The following UBE2E2 variants were observed in gnomAD, a reference collection of about 807,000 sequenced individuals.
UBE2E2 encodes the protein ubiquitin conjugating enzyme E2 E2.
In UBE2E2, 6 loss-of-function variants were observed where a neutral mutation model predicts 24.7. That is an observed-to-expected ratio of 0.24 (90% CI 0.13 to 0.48). UBE2E2 has a LOEUF of 0.48. Among genes scored for constraint, UBE2E2 ranks in the 20% least tolerant of loss-of-function variants. UBE2E2 has a pLI of 0.99. For synonymous variants in UBE2E2, 104 were observed against 83.6 expected, an observed-to-expected ratio of 1.24 and a Z score of -1.33; for missense variants, 169 against 245.0, an observed-to-expected ratio of 0.69 and a Z score of 2.07.
At chr3:23,413,351 AC>A (rs1042511321) in intron 3 of UBE2E2, among the ~76,000 whole-genome samples, 16 of 152,232 alleles carry the variant, frequency 1.1e-4, no homozygotes, top group African/African-American at 3.6e-4. Flanking sequence ...ATATACTTTG[AC>A]CTTTTTTTCC....
intron 3 of UBE2E2, among the ~76,000 whole-genome samples, chr3:23,421,119 G>A (rs1024024434): frequency 2.0e-5 from 3 of 152,244 alleles, no homozygotes; most frequent in African/African-American, 7.2e-5. Flanking sequence ...TAGGCATCTT[G>A]TAAGGATTGT....
In UBE2E2 at chr3:23,466,857, G is replaced by A. The variant is rs375897751; in HGVS notation, c.228-32751G>A. 6.6e-5 allele frequency among the ~76,000 whole-genome samples: 10 copies of A among 151,782 alleles called. 1 individual carries two copies. Among genetic ancestry groups the A allele is most frequent in the East Asian group, 1.9e-4 (1 of 5,136 alleles). ...GCTGGGATTACAGGCATGAGCCACC[G>A]CACTCGGCAGTCCCAGAGTCTTATT... On this transcript the variant is annotated intron_variant, in intron 3 of 5. Transcript: ENST00000396703.
At chr3:23,249,106 C>T (rs1697501514) in intron 3 of UBE2E2, among the ~76,000 whole-genome samples, 1 of 151,520 alleles carries the variant, frequency 6.6e-6, no homozygotes, top group African/African-American at 2.4e-5. Context: ...CCTTGTCTCT[C>T]CAAAAAATAC....
intron 3 of UBE2E2, among the ~76,000 whole-genome samples, chr3:23,464,946 A>G (rs1386865072): frequency 2.6e-5 from 4 of 152,214 alleles, no homozygotes; most frequent in East Asian, 3.8e-4. Flanking sequence ...GCAGCTACAC[A>G]TGTGTATCTT....
intron 5 of UBE2E2, among the ~76,000 whole-genome samples, chr3:23,539,008 G>A (rs1695328668): frequency 6.6e-6 from 1 of 152,084 alleles, no homozygotes; most frequent in Non-Finnish European, 1.5e-5. Flanking sequence ...GAATGAGAAA[G>A]GAAAGCCAAA....
chr3:23,331,317 T>C (rs951791220), intron 3 of UBE2E2, among the ~76,000 whole-genome samples: 1 of 152,222 alleles, frequency 6.6e-6, no homozygotes, highest in Non-Finnish European at 1.5e-5. Context: ...GTGCATTGTT[T>C]AGGTGCCAGA....
At chr3:23,230,928 C>A (rs75783252) in intron 3 of UBE2E2, among the ~76,000 whole-genome samples, 17,360 of 151,968 alleles carry the variant, frequency 0.11, 1,071 homozygotes, top group South Asian at 0.23. Flanking sequence ...GTAGAACTAG[C>A]GCTGCTCTGT....
chr3:23,263,952 G>A lies in UBE2E2; in HGVS notation c.227+46640G>A, dbSNP rs561348162. 7.0e-4 allele frequency among the ~76,000 whole-genome samples: 107 copies of A among 152,136 alleles called. 1 individual carries two copies. Among genetic ancestry groups the A allele is most frequent in the African/African-American group, 2.5e-3 (105 of 41,532 alleles). On this transcript the variant is annotated intron_variant, in intron 3 of 5. Coordinates refer to ENST00000396703, the MANE Select transcript of UBE2E2 (RefSeq NM_152653.4). ...TAGACAACTCAGACTAAGTTTTTTT[G>A]TACTTCGTTTCATTCTACAGGGTAT...
chr3:23,556,962 A>G (rs1695804720), intron 5 of UBE2E2, among the ~76,000 whole-genome samples: 3 of 152,164 alleles, frequency 2.0e-5, no homozygotes, highest in African/African-American at 7.2e-5. Flanking sequence ...ACCATAGGCT[A>G]ATTGATCTAA....
At chr3:23,291,984 G>T (rs1160281677) in intron 3 of UBE2E2, among the ~76,000 whole-genome samples, 1 of 147,752 alleles carries the variant, frequency 6.8e-6, no homozygotes, top group Admixed American at 7.0e-5. Flanking sequence ...TCAGCCTCCC[G>T]AGTAGCTGGG....
intron 3 of UBE2E2, among the ~76,000 whole-genome samples, chr3:23,341,660 T>G (rs1277880017): frequency 2.0e-5 from 3 of 152,200 alleles, no homozygotes; most frequent in Non-Finnish European, 4.4e-5. Context: ...TAAACTGTAT[T>G]CTAAAGCATA....
chr3:23,435,554 C>CT (rs1169024192), intron 3 of UBE2E2, among the ~76,000 whole-genome samples: 1 of 152,192 alleles, frequency 6.6e-6, no homozygotes, highest in Non-Finnish European at 1.5e-5. Flanking sequence ...AAAGAGGACC[C>CT]TGTGCCTCAA....
intron 3 of UBE2E2, among the ~76,000 whole-genome samples, chr3:23,461,537 TTAAA>T (rs1202270121): frequency 9.8e-5 from 15 of 152,334 alleles, no homozygotes; most frequent in Admixed American, 3.9e-4. Flanking sequence ...GTCAAATCAT[TTAAA>T]TAGATACCTA....
At chr3:23,509,459 AT>A (rs1694535639) in intron 4 of UBE2E2, among the ~76,000 whole-genome samples, 1 of 152,110 alleles carries the variant, frequency 6.6e-6, no homozygotes, top group South Asian at 2.1e-4. Flanking sequence ...TTGTGACGTT[AT>A]TTTGTTCAAG....
At chr3:23,385,727 A>G (rs1696791932) in intron 3 of UBE2E2, among the ~76,000 whole-genome samples, 1 of 152,192 alleles carries the variant, frequency 6.6e-6, no homozygotes, top group African/African-American at 2.4e-5. Context: ...TGTGGTAGAG[A>G]CAAAAGTCGT....
upstream of UBE2E2, chr3:23,203,270 C>G (rs548414192): frequency 3.1e-4 from 308 of 987,852 alleles, 1 homozygote; most frequent in African/African-American, 5.0e-3. Context: ...AGGGTGAGTC[C>G]GGGCGGGCGC....
intron 3 of UBE2E2, among the ~76,000 whole-genome samples, chr3:23,333,332 CTG>C (rs1695118893): frequency 1.3e-5 from 2 of 152,144 alleles, no homozygotes; most frequent in South Asian, 4.1e-4. Flanking sequence ...CTATAAAAGA[CTG>C]AGAGAATAAG....
At chr3:23,297,597 T>C (rs1698948138) in intron 3 of UBE2E2, among the ~76,000 whole-genome samples, 4 of 152,218 alleles carry the variant, frequency 2.6e-5, no homozygotes, top group Admixed American at 1.3e-4. Flanking sequence ...TTTTGTCAGG[T>C]TTGTCAAAGA....
intron 3 of UBE2E2, among the ~76,000 whole-genome samples, chr3:23,425,895 G>A (rs1000189511): frequency 1.3e-5 from 2 of 152,044 alleles, no homozygotes; most frequent in African/African-American, 2.4e-5. Context: ...CGAAGAGACA[G>A]AACAAGCAAC....
Sources: gnomAD v4.1 joint callset for allele counts (sites outside exome capture counted in the v4.1 genomes callset) on GRCh38, gnomAD v4.1.1 for gene constraint, MANE v1.5 for transcripts, NCBI Gene and HGNC (gene_info 2026-07-23, HGNC 2026-07-21) for gene names.